The following TEAD4 variants were observed in gnomAD, a reference collection of about 807,000 sequenced individuals.
The protein encoded by TEAD4 is TEA domain transcription factor 4.
In TEAD4, 36 loss-of-function variants were observed where a neutral mutation model predicts 52.4. The ratio of observed to expected loss-of-function variants is 0.69; its 90% CI spans 0.53 to 0.91. TEAD4 has a LOEUF of 0.91. Among genes scored for constraint, TEAD4 ranks in the 40% least tolerant of loss-of-function variants. The probability of loss-of-function intolerance (pLI) is 0.00; values close to 1 mark genes in which losing one functional copy is unlikely to be tolerated. For missense variants in TEAD4, 508 were observed against 583.9 expected, an observed-to-expected ratio of 0.87 and a Z score of 1.34; for synonymous variants, 220 against 231.0, an observed-to-expected ratio of 0.95 and a Z score of 0.43.
intron 2 of TEAD4, among the ~76,000 whole-genome samples, chr12:2,961,911 T>C (rs1021166922): frequency 2.0e-5 from 3 of 152,038 alleles, no homozygotes; most frequent in Admixed American, 2.0e-4. Flanking sequence ...CTACGCTGTG[T>C]TCCGCGTCCT....
At chr12:2,984,405 T>C (rs1404607202) in intron 2 of TEAD4, among the ~76,000 whole-genome samples, 2 of 152,140 alleles carry the variant, frequency 1.3e-5, no homozygotes, top group Non-Finnish European at 2.9e-5. Context: ...GCTGGAAGCT[T>C]GGATTAGGGC....
chr12:3,017,833 T>C (rs950710994), intron 6 of TEAD4, among the ~76,000 whole-genome samples: 18 of 152,172 alleles, frequency 1.2e-4, no homozygotes, highest in African/African-American at 4.3e-4. Context: ...ATGAGGAAGC[T>C]GAAGCCAAGG....
rs1464770915 is a variant in TEAD4 at position 3,012,170 on chromosome 12, G to T, written c.292G>T (p.Val98Phe). ...CAGGAGTCCTCTCTCCCTGCCACAG[G>T]TCTCCAGCCACATCCAGGTGCTGGC... The change falls in exon 5 of 13, where the codon GTC becomes TTC. Residue 98 changes from valine (V) to phenylalanine (F), a missense_variant and splice_region_variant. By Grantham distance (50) the Val-to-Phe change is conservative (BLOSUM62 -1). Transcript: ENST00000359864. 1.2e-6 allele frequency: 2 copies of T among 1,614,004 alleles called. No individual in the cohort carries two copies. The highest frequency in any genetic ancestry group is 2.2e-5 in the South Asian group (2 of 91,076).
chr12:2,960,984 A>G (rs1348550757), intron 2 of TEAD4, among the ~76,000 whole-genome samples: 1 of 151,922 alleles, frequency 6.6e-6, no homozygotes, highest in Non-Finnish European at 1.5e-5. Flanking sequence ...CAGGAGGCTG[A>G]CTTTCTCAGG....
chr12:3,026,311 T>A (rs1457123116), intron 10 of TEAD4, among the ~76,000 whole-genome samples: 2 of 152,260 alleles, frequency 1.3e-5, no homozygotes, highest in African/African-American at 4.8e-5. Flanking sequence ...CTGAATTAGT[T>A]AAGGTTGTGT....
chr12:2,970,028 C>T (rs972387619), intron 2 of TEAD4, among the ~76,000 whole-genome samples: 5 of 152,010 alleles, frequency 3.3e-5, no homozygotes, highest in African/African-American at 1.2e-4. Context: ...GGGTTTGAGA[C>T]CAGCCTGGGC....
intron 10 of TEAD4, among the ~76,000 whole-genome samples, chr12:3,031,029 C>T (rs957932891): frequency 9.2e-5 from 14 of 152,164 alleles, no homozygotes; most frequent in Non-Finnish European, 1.3e-4. Context: ...GGACCTCGGC[C>T]GAGAGGCTGG....
chr12:2,963,009 T>C (rs991672682), intron 2 of TEAD4, among the ~76,000 whole-genome samples: 2 of 152,134 alleles, frequency 1.3e-5, no homozygotes, highest in African/African-American at 2.4e-5. Flanking sequence ...TCAGATAAGG[T>C]TGGTAGGAGG....
At chr12:2,982,297 G>T (rs1241288826) in intron 2 of TEAD4, among the ~76,000 whole-genome samples, 1 of 152,206 alleles carries the variant, frequency 6.6e-6, no homozygotes, top group African/African-American at 2.4e-5. Context: ...CCCTAGGATG[G>T]AGCAACCTGC....
At chr12:3,033,267 C>T (rs2153958354) in intron 10 of TEAD4, among the ~76,000 whole-genome samples, 1 of 152,344 alleles carries the variant, frequency 6.6e-6, no homozygotes, top group East Asian at 1.9e-4. Context: ...GGACACATTT[C>T]CAGCTAGAAG....
chr12:3,008,464 C>G (rs1366234895), intron 3 of TEAD4, among the ~76,000 whole-genome samples: 2 of 152,282 alleles, frequency 1.3e-5, no homozygotes, highest in East Asian at 3.9e-4. Flanking sequence ...AGGACTTGGA[C>G]ACTGTTAATC....
chr12:3,020,897 T>C, intron 9 of TEAD4, 124 bp downstream of exon 9: 1 of 1,095,306 alleles, frequency 9.1e-7, no homozygotes, highest in Non-Finnish European at 1.2e-6. Context: ...TTTCCGATCT[T>C]CCCTTCTGCC....
intron 5 of TEAD4, among the ~76,000 whole-genome samples, chr12:3,013,626 C>T (rs1174063796): frequency 2.0e-5 from 3 of 152,096 alleles, no homozygotes; most frequent in East Asian, 1.9e-4. Flanking sequence ...CCCAGCTACT[C>T]GGGAGGCTGA....
intron 5 of TEAD4, among the ~76,000 whole-genome samples, chr12:3,013,259 A>ATTTTT (rs77874270): frequency 7.6e-6 from 1 of 131,992 alleles, no homozygotes; most frequent in East Asian, 2.3e-4. Flanking sequence ...GCCTGCAAAC[A>ATTTTT]TTTTTTTTTT....
At chr12:3,000,737 C>T (rs990602532) in intron 3 of TEAD4, among the ~76,000 whole-genome samples, 1 of 152,106 alleles carries the variant, frequency 6.6e-6, no homozygotes, top group Non-Finnish European at 1.5e-5. Flanking sequence ...TTGGGGGACC[C>T]TGGTGGAGGA....
At chr12:3,008,512 C>T (rs114609456) in intron 3 of TEAD4, among the ~76,000 whole-genome samples, 4,677 of 152,170 alleles carry the variant, frequency 0.031, 231 homozygotes, top group African/African-American at 0.11. Context: ...TTTTGAATTT[C>T]GATAGGGTCG....
chr12:3,016,928 C>A (rs541603858), intron 5 of TEAD4: 7 of 355,910 alleles, frequency 2.0e-5, no homozygotes, highest in South Asian at 6.3e-5. Flanking sequence ...CCAGGGAGAT[C>A]CTTAGGGCAG....
At chr12:3,007,945 CA>C (rs572585140) in intron 3 of TEAD4, among the ~76,000 whole-genome samples, 67 of 152,264 alleles carry the variant, frequency 4.4e-4, no homozygotes, top group African/African-American at 1.6e-3. Flanking sequence ...AGTTACGGGA[CA>C]TCTGACCAGC....
chr12:2,963,656 G>A (rs1293391399), intron 2 of TEAD4, among the ~76,000 whole-genome samples: 1 of 152,224 alleles, frequency 6.6e-6, no homozygotes, highest in Non-Finnish European at 1.5e-5. Flanking sequence ...TTCTTCCCTT[G>A]CTTTTGGTTT....
Sources: allele counts gnomAD v4.1 joint callset (sites outside exome capture counted in the v4.1 genomes callset), GRCh38; gene constraint gnomAD v4.1.1; transcripts MANE v1.5; gene names NCBI Gene and HGNC (gene_info 2026-07-23, HGNC 2026-07-21).